Variants in LCK observed in about 807,000 individuals in gnomAD.
LCK encodes the protein LCK proto-oncogene, Src family tyrosine kinase.
In LCK, 14 loss-of-function variants were observed where a neutral mutation model predicts 64.6. The ratio of observed to expected loss-of-function variants is 0.22; its 90% CI spans 0.14 to 0.34. LCK has a LOEUF of 0.34. Among genes scored for constraint, LCK ranks in the 10% least tolerant of loss-of-function variants. LCK has a pLI of 1.00. For synonymous variants in LCK, 277 were observed against 263.6 expected (o/e 1.05, Z -0.49); for missense variants, 434 against 668.1 (o/e 0.65, Z 3.86).
chr1:32,259,692 C>T (rs937626252), intron 1 of LCK, among the ~76,000 whole-genome samples: 2 of 151,704 alleles, frequency 1.3e-5, no homozygotes, highest in African/African-American at 4.8e-5. Flanking sequence ...TGCCTGTTGT[C>T]CCAGTTACTC....
chr1:32,274,494 A>AATGGGTTGGGT (rs1640194404), intron 2 of LCK, 60 bp downstream of exon 2: 11 of 1,387,376 alleles, frequency 7.9e-6, no homozygotes, highest in Non-Finnish European at 1.1e-5. Context: ...ACCCAGGAGA[A>AATGGGTTGGGT]AGAAATGACC....
intron 1 of LCK, among the ~76,000 whole-genome samples, chr1:32,266,083 C>CTGAG (rs991697445): frequency 6.6e-6 from 1 of 152,212 alleles, no homozygotes; most frequent in African/African-American, 2.4e-5. Flanking sequence ...ACTCAGCCTC[C>CTGAG]TGAGTAGCTA....
chr1:32,273,816 G>A (rs1640175216), intron 1 of LCK, among the ~76,000 whole-genome samples: 2 of 152,154 alleles, frequency 1.3e-5, no homozygotes, highest in Admixed American at 1.3e-4. Flanking sequence ...GCGGGGGCTT[G>A]ATGGTGGACT....
chr1:32,258,519 C>T (rs1639683592), intron 1 of LCK, among the ~76,000 whole-genome samples: 1 of 149,244 alleles, frequency 6.7e-6, no homozygotes, highest in Non-Finnish European at 1.5e-5. Flanking sequence ...CAGTGGCTCA[C>T]ACCTGTAATC....
intron 12 of LCK, among the ~76,000 whole-genome samples, chr1:32,283,986 T>C (rs1394211989): frequency 6.6e-6 from 1 of 151,966 alleles, no homozygotes; most frequent in Non-Finnish European, 1.5e-5. Context: ...GTTTAAGCGA[T>C]TCTCCTGCCT....
At chr1:32,271,742 C>A (rs530890795) in intron 1 of LCK, among the ~76,000 whole-genome samples, 1 of 152,196 alleles carries the variant, frequency 6.6e-6, no homozygotes, top group Non-Finnish European at 1.5e-5. Flanking sequence ...AGACTCTATG[C>A]ATTAACACTG....
intron 1 of LCK, among the ~76,000 whole-genome samples, chr1:32,265,724 C>T (rs1451426676): frequency 2.0e-5 from 3 of 152,142 alleles, no homozygotes; most frequent in Admixed American, 6.6e-5. Flanking sequence ...GACCAGGTAC[C>T]AGCTTCCAGC....
Position 32,276,176 on chromosome 1 carries a change from A to G in LCK, c.631+113A>G. On this transcript the variant is annotated intron_variant, in intron 7 of 12. Coordinates refer to ENST00000336890, the MANE Select transcript of LCK (RefSeq NM_005356.5). This position sits in a 1 kb window ranked among gnomAD's most constrained non-coding sequence, Gnocchi z 4.6. ...CCTACTCCATTCCCCGCAGTGGGTG[A>G]GGTGTGGAACCTGACCCTACGGCCC... 2 of 1,471,024 alleles carry G rather than the reference A, an allele frequency of 1.4e-6. No homozygotes were observed. Among genetic ancestry groups the G allele is most frequent in the Non-Finnish European group, 1.9e-6 (2 of 1,075,828 alleles). The allele number at this position is 1,471,024 out of a possible 1,614,324, so 91.1% of individuals were successfully genotyped here.
intron 1 of LCK, among the ~76,000 whole-genome samples, chr1:32,269,770 G>A (rs1425037401): frequency 6.6e-6 from 1 of 151,920 alleles, no homozygotes; most frequent in Non-Finnish European, 1.5e-5. Context: ...AGAAACAGGA[G>A]TCTAAAGCAA....
chr1:32,281,250 A>G (rs1640448503), intron 12 of LCK, among the ~76,000 whole-genome samples: 1 of 151,412 alleles, frequency 6.6e-6, no homozygotes, highest in African/African-American at 2.4e-5. Context: ...AAAACAAGAA[A>G]AAGAGAGACT....
chr1:32,274,528 T>C (rs894739870), intron 2 of LCK, 94 bp downstream of exon 2: 9 of 1,089,848 alleles, frequency 8.3e-6, no homozygotes, highest in African/African-American at 1.6e-5. Flanking sequence ...CTTGAAAGAA[T>C]AGAGTGGCCC....
chr1:32,275,414 C>G lies in LCK; in HGVS notation c.372C>G (p.Pro124=), dbSNP rs748136140. 1 of 1,613,982 alleles carries G rather than the reference C, an allele frequency of 6.2e-7. No individual in the cohort carries two copies. The highest frequency in any genetic ancestry group is 1.1e-5 in the South Asian group (1 of 91,072). Residue 124 remains proline (P), a synonymous_variant, in exon 5 of 13, where the codon CCC becomes CCG. Coordinates refer to ENST00000336890, the MANE Select transcript of LCK (RefSeq NM_005356.5). This position sits in a 1 kb window ranked among gnomAD's most constrained non-coding sequence, Gnocchi z 6.9. ...NFVAKANSLE[P]EPWFFKNLSR... ...TGGCCAAAGCGAACAGCCTGGAGCC[C>G]GAACCGTAAGTGGGGACCCGTCGTG...
At chr1:32,263,028 C>G (rs1055601129) in intron 1 of LCK, among the ~76,000 whole-genome samples, 1 of 152,070 alleles carries the variant, frequency 6.6e-6, no homozygotes, top group African/African-American at 2.4e-5. Flanking sequence ...CTGCCTCTGA[C>G]TAGGGCATGT....
chr1:32,266,963 G>C (rs1312565421), intron 1 of LCK, among the ~76,000 whole-genome samples: 1 of 149,642 alleles, frequency 6.7e-6, no homozygotes, highest in East Asian at 2.0e-4. Flanking sequence ...GCCTGGCAGG[G>C]ACCTTACTGG....
intron 1 of LCK, among the ~76,000 whole-genome samples, chr1:32,259,629 AAAT>A (rs762289799): frequency 4.0e-5 from 6 of 149,540 alleles, no homozygotes; most frequent in African/African-American, 7.4e-5. Context: ...AAAAAAATAA[AAAT>A]AATAATAATA....
In LCK at chr1:32,275,154, C is replaced by T. The variant is rs1640218120; in HGVS notation, c.278+71C>T. On this transcript the variant is annotated intron_variant, in intron 4 of 12. Transcript: ENST00000336890. This position sits in a 1 kb window ranked among gnomAD's most constrained non-coding sequence, Gnocchi z 6.9. ...GCGATCTCCGCGACCCGCAGCCCTCCTGCGGCCCTTGACCAGCTCGGGGTG... is the reference window on the plus strand; with the variant it reads ...GCGATCTCCGCGACCCGCAGCCCTCTTGCGGCCCTTGACCAGCTCGGGGTG... 1 of 1,510,446 alleles carries T rather than the reference C, an allele frequency of 6.6e-7. No homozygotes were observed. The highest frequency in any genetic ancestry group is 2.3e-5 in the East Asian group (1 of 44,180). The allele number at this position is 1,510,446 out of a possible 1,614,324, so 93.6% of individuals were successfully genotyped here. A position where few individuals can be genotyped will look rare whatever the true frequency, so the allele number is the denominator to read the frequency against.
intron 1 of LCK, among the ~76,000 whole-genome samples, chr1:32,255,073 C>T (rs939456728): frequency 6.6e-6 from 1 of 152,116 alleles, no homozygotes; most frequent in African/African-American, 2.4e-5. Flanking sequence ...CCTCCAATCC[C>T]ACTTCTGGGA....
At chr1:32,282,870 T>C (rs1306675657) in intron 12 of LCK, among the ~76,000 whole-genome samples, 3 of 152,042 alleles carry the variant, frequency 2.0e-5, no homozygotes, top group Admixed American at 6.6e-5. Context: ...AAAACCACTC[T>C]AGGGCCAATC....
intron 1 of LCK, 68 bp from the exon 2 acceptor site, chr1:32,274,257 C>T: frequency 6.2e-7 from 1 of 1,612,106 alleles, no homozygotes; most frequent in Non-Finnish European, 8.5e-7. Context: ...GGCAAGGCCC[C>T]ATTATATCTG....
Sources: gnomAD v4.1 joint callset for allele counts (sites outside exome capture counted in the v4.1 genomes callset) on GRCh38, gnomAD v4.1.1 for gene constraint, Gnocchi (gnomAD v3.1) non-coding constraint, MANE v1.5 for transcripts, NCBI Gene and HGNC (gene_info 2026-07-23, HGNC 2026-07-21) for gene names.